PEMT: variants seen among roughly 807,000 people sequenced by gnomAD.
PEMT encodes the protein phosphatidylethanolamine N-methyltransferase, also known as phospholipid methyltransferase.
Under a neutral mutation model 27.4 loss-of-function variants are expected in PEMT, and 23 were observed. That is an observed-to-expected ratio of 0.84 (90% CI 0.60 to 1.19). PEMT has a LOEUF of 1.19. Among genes scored for constraint, PEMT ranks in the 50% most tolerant of loss-of-function variants. The pLI, the probability that PEMT is intolerant of heterozygous loss-of-function variation, is 0.00. For missense variants in PEMT, 307 were observed against 310.1 expected (o/e 0.99, Z 0.07); for synonymous variants, 137 against 139.1 (o/e 0.98, Z 0.11).
rs70963026 is a variant in PEMT, at chr17:17,516,615, C to A, written c.321-3961G>T. ...CTAGCACCTGGGAATCCCAGGCTGA[C>A]ACCCACTCTCCTTCCAGACTTCCTG... On this transcript the variant is annotated intron_variant, in intron 3 of 6. Transcript: ENST00000255389. Among the ~76,000 whole-genome samples, 881 of 152,308 alleles carry A rather than the reference C, an allele frequency of 5.8e-3. 5 individuals carry two copies. The highest frequency in any genetic ancestry group is 0.021 in the African/African-American group (858 of 41,570).
In PEMT at chr17:17,505,657, T is replaced by TG; in HGVS notation, c.*133_*134insC. 1 of 1,020,976 alleles carries TG rather than the reference T, an allele frequency of 9.8e-7. No homozygotes were observed. The highest frequency in any genetic ancestry group is 1.3e-6 in the Non-Finnish European group (1 of 746,768). The allele number at this position is 1,020,976 out of a possible 1,614,324, so 63.2% of individuals were successfully genotyped here. On this transcript the variant is annotated 3_prime_UTR_variant, in exon 7 of 7. Coordinates refer to ENST00000255389, the MANE Select transcript of PEMT (RefSeq NM_148172.3). ...CGTCCAGGGTCCCCAAGGCAGCAGG[T>TG]TCCAAGGCACTGGGGCAGCCCACGC...
intron 1 of PEMT, 60 bp downstream of exon 1, chr17:17,591,471 G>T (rs1912585542): frequency 7.5e-7 from 1 of 1,335,850 alleles, no homozygotes; most frequent in Non-Finnish European, 1.0e-6. Flanking sequence ...AAGCCTTCAC[G>T]CCCCTCGGGC....
chr17:17,562,593 G>C (rs1006919992), intron 2 of PEMT, among the ~76,000 whole-genome samples: 1 of 152,210 alleles, frequency 6.6e-6, no homozygotes, highest in East Asian at 1.9e-4. Flanking sequence ...CAGATCACTT[G>C]AGGTCAGGAG....
At chr17:17,555,630 AG>A (rs1909995552) in intron 2 of PEMT, among the ~76,000 whole-genome samples, 1 of 152,172 alleles carries the variant, frequency 6.6e-6, no homozygotes, top group Admixed American at 6.5e-5. Context: ...GGTTCCACTC[AG>A]AAGGTGGCCT....
At chr17:17,543,068 C>CG (rs1262851404) in intron 2 of PEMT, among the ~76,000 whole-genome samples, 1 of 152,220 alleles carries the variant, frequency 6.6e-6, no homozygotes, top group Non-Finnish European at 1.5e-5. Context: ...GCAGCACCAC[C>CG]GGGGAAGCAT....
intron 3 of PEMT, among the ~76,000 whole-genome samples, chr17:17,514,898 C>T (rs937626200): frequency 2.6e-5 from 4 of 152,140 alleles, no homozygotes; most frequent in Admixed American, 2.0e-4. Context: ...TTGGGAGGGG[C>T]GAACAGGGGA....
chr17:17,561,867 G>A lies in PEMT; in HGVS notation c.204+15053C>T, dbSNP rs1255502342. 6.6e-6 allele frequency among the ~76,000 whole-genome samples: 1 copy of A among 152,226 alleles called. No homozygotes were observed. Among genetic ancestry groups the A allele is most frequent in the Non-Finnish European group, 1.5e-5 (1 of 68,034 alleles). The stretch of plus-strand genomic sequence containing the variant: ...GCCCCACGTGCGGCCTGACCCACAG[G>A]AAGTCCAGTCATAATATTGACACAG... On this transcript the variant is annotated intron_variant, in intron 2 of 6. Transcript: ENST00000255389. This position sits in a 1 kb window ranked among gnomAD's most constrained non-coding sequence, Gnocchi z 4.5.
chr17:17,539,194 T>C (rs1295641383), intron 2 of PEMT, among the ~76,000 whole-genome samples: 1 of 152,200 alleles, frequency 6.6e-6, no homozygotes, highest in Non-Finnish European at 1.5e-5. Flanking sequence ...TTGCCCAGGC[T>C]GGTCTCCAAC....
rs1289217784 is a variant in PEMT at position 17,582,582 on chromosome 17, C to T, written c.97-5555G>A. Among the ~76,000 whole-genome samples, 1 of 152,190 alleles carries T rather than the reference C, an allele frequency of 6.6e-6. No individual in the cohort carries two copies. Among genetic ancestry groups the T allele is most frequent in the African/African-American group, 2.4e-5 (1 of 41,456 alleles). ...GGGGCTGCTGGAGAGGGGACAGGTC[C>T]TCCTGGGATCCATCACCCCTGCAGA... is the stretch of plus-strand genomic sequence containing the variant. On this transcript the variant is annotated intron_variant, in intron 1 of 6. Transcript: ENST00000255389. This position sits in a 1 kb window ranked among gnomAD's most constrained non-coding sequence, Gnocchi z 4.9.
chr17:17,537,799 G>A (rs1362989959), intron 2 of PEMT, among the ~76,000 whole-genome samples: 1 of 152,242 alleles, frequency 6.6e-6, no homozygotes, highest in Non-Finnish European at 1.5e-5. Context: ...TTGAGACATG[G>A]ACAGTGCCTG....
intron 2 of PEMT, among the ~76,000 whole-genome samples, chr17:17,545,873 T>C (rs999057838): frequency 6.6e-6 from 1 of 152,172 alleles, no homozygotes; most frequent in Non-Finnish European, 1.5e-5. Flanking sequence ...CTTTTCTGTA[T>C]GCTTAAAATT....
intron 2 of PEMT, among the ~76,000 whole-genome samples, chr17:17,569,972 C>T (rs1411953161): frequency 6.6e-6 from 1 of 152,200 alleles, no homozygotes; most frequent in African/African-American, 2.4e-5. Context: ...CTCTTTACCT[C>T]CATGCAGTGC....
chr17:17,506,272 G>C lies in PEMT; in HGVS notation c.608C>G (p.Thr203Arg). 6.3e-7 allele frequency: 1 copy of C among 1,586,088 alleles called. No individual in the cohort carries two copies. The highest frequency in any genetic ancestry group is 8.6e-7 in the Non-Finnish European group (1 of 1,165,488). The change falls in exon 6 of 7, where the codon ACG becomes AGG. Residue 203 changes from threonine to arginine, a missense_variant. Transcript: ENST00000255389. ...MHASPTGLLLTVLVALTYIVA... is the reference protein window; with the variant it reads ...MHASPTGLLLRVLVALTYIVA... ...TATGTAGGTGAGGGCCACCAGCACC[G>C]TCAGGAGCAGGCCCGTGGGGCTGGC...
At chr17:17,545,838 G>A (rs1909222802) in intron 2 of PEMT, among the ~76,000 whole-genome samples, 1 of 152,200 alleles carries the variant, frequency 6.6e-6, no homozygotes, top group Non-Finnish European at 1.5e-5. Flanking sequence ...TCTAAGGGCT[G>A]ATGTTTGGAG....
rs1362946370 is a variant in PEMT, at chr17:17,561,104, T to C, written c.204+15816A>G. On this transcript the variant is annotated intron_variant, in intron 2 of 6. Coordinates refer to ENST00000255389, the MANE Select transcript of PEMT (RefSeq NM_148172.3). The surrounding 1 kb of genome is among the most constrained non-coding windows in gnomAD (Gnocchi z 4.5). ...GCCTCAGGTTCCAGGGAGTCTCACA[T>C]GATGGGCAGGACCCACACACACCAC... Among the ~76,000 whole-genome samples, 1 of 152,014 alleles carries C rather than the reference T, an allele frequency of 6.6e-6. No individual in the cohort carries two copies. Among genetic ancestry groups the C allele is most frequent in the East Asian group, 1.9e-4 (1 of 5,178 alleles).
Position 17,512,462 on chromosome 17 carries a change from G to T in PEMT, c.466+47C>A, listed in dbSNP as rs1163633268. On this transcript the variant is annotated intron_variant, in intron 4 of 6. Transcript: ENST00000255389. This position sits in a 1 kb window ranked among gnomAD's most constrained non-coding sequence, Gnocchi z 6.3. Reference sequence around the variant, plus strand: ...GCCACCTGGCCCTGCACCTCCCTGGGGCTCCAGCGGTCCTGCTCAGGGTCA... The same window carrying T: ...GCCACCTGGCCCTGCACCTCCCTGGTGCTCCAGCGGTCCTGCTCAGGGTCA... The T allele has an allele frequency of 6.9e-7, 1 of 1,458,104 alleles. No individual in the cohort carries two copies. Among genetic ancestry groups the T allele is most frequent in the East Asian group, 2.6e-5 (1 of 38,652 alleles). 90.3% of individuals were successfully genotyped at this position (1,458,104 alleles called of 1,614,324 possible).
At chr17:17,580,701 C>T (rs1301289317) in intron 1 of PEMT, among the ~76,000 whole-genome samples, 1 of 152,172 alleles carries the variant, frequency 6.6e-6, no homozygotes, top group East Asian at 1.9e-4. Flanking sequence ...CTCCCCATTC[C>T]CCATTCAGCC....
At chr17:17,569,846 A>C (rs1243900207) in intron 2 of PEMT, among the ~76,000 whole-genome samples, 1 of 152,196 alleles carries the variant, frequency 6.6e-6, no homozygotes, top group African/African-American at 2.4e-5. Context: ...GGGACAACAC[A>C]GGGCATGGCA....
intron 2 of PEMT, among the ~76,000 whole-genome samples, chr17:17,544,087 G>A (rs1909078797): frequency 6.6e-6 from 1 of 151,832 alleles, no homozygotes; most frequent in African/African-American, 2.4e-5. Flanking sequence ...CACTGGACGG[G>A]GGTCAGGAAA....
Sources: gnomAD v4.1 joint callset for allele counts (sites outside exome capture counted in the v4.1 genomes callset) on GRCh38, gnomAD v4.1.1 for gene constraint, Gnocchi (gnomAD v3.1) non-coding constraint, MANE v1.5 for transcripts, NCBI Gene and HGNC (gene_info 2026-07-23, HGNC 2026-07-21) for gene names.